Variants in TTC28 observed in about 807,000 individuals in gnomAD.
The protein encoded by TTC28 is tetratricopeptide repeat domain 28, also known as tetratricopeptide repeat protein 28.
A neutral mutation model predicts 198.0 loss-of-function variants in TTC28; 61 were observed. The ratio of observed to expected loss-of-function variants is 0.31; its 90% CI spans 0.25 to 0.38. The LOEUF is 0.38. Ranked by LOEUF, TTC28 falls within the 10% of genes least tolerant of loss-of-function variation. The probability of loss-of-function intolerance (pLI) is 1.00; values close to 1 mark genes in which losing one functional copy is unlikely to be tolerated. For missense variants in TTC28, 2,678 were observed against 3,164.0 expected, an observed-to-expected ratio of 0.85 and a Z score of 3.69; for synonymous variants, 1,171 against 1,297.8, an observed-to-expected ratio of 0.90 and a Z score of 2.10.
intron 13 of TTC28, among the ~76,000 whole-genome samples, chr22:28,016,433 G>A (rs1938381618): frequency 6.6e-6 from 1 of 152,246 alleles, no homozygotes; most frequent in Non-Finnish European, 1.5e-5. Context: ...CAGCAGACAG[G>A]CAGCATGGCC....
intron 2 of TTC28, among the ~76,000 whole-genome samples, chr22:28,369,049 T>C (rs1024547888): frequency 9.2e-5 from 14 of 151,890 alleles, no homozygotes; most frequent in Non-Finnish European, 1.6e-4. Context: ...AATCCTAAAA[T>C]ACCAATGGCA....
intron 13 of TTC28, among the ~76,000 whole-genome samples, chr22:28,014,830 C>A (rs944451836): frequency 3.3e-5 from 5 of 152,190 alleles, no homozygotes; most frequent in Non-Finnish European, 7.3e-5. Context: ...TTGGCCCCCA[C>A]CTTGGGCTCA....
intron 8 of TTC28, among the ~76,000 whole-genome samples, chr22:28,105,050 G>A (rs965863038): frequency 5.3e-5 from 8 of 152,276 alleles, no homozygotes; most frequent in African/African-American, 1.4e-4. Flanking sequence ...ATCTGGGTCC[G>A]AGAGAGCAGG....
chr22:28,489,611 C>A (rs1246319572), intron 2 of TTC28, among the ~76,000 whole-genome samples: 1 of 152,030 alleles, frequency 6.6e-6, no homozygotes, highest in Non-Finnish European at 1.5e-5. Context: ...CTTATATTCA[C>A]TCTATATTAG....
chr22:28,442,693 G>C (rs528244332), intron 2 of TTC28, among the ~76,000 whole-genome samples: 7 of 152,230 alleles, frequency 4.6e-5, no homozygotes, highest in Non-Finnish European at 7.3e-5. Flanking sequence ...AAAACTTAAA[G>C]GGCAGTGGAT....
rs2045406520 is a variant in TTC28 at position 28,319,294 on chromosome 22, T to C, written c.382-12651A>G. ...GGAGACTCTTATTACTCACTAGCAATTGAAGCAACTGACAAAGGTATTAGT... is the reference window on the plus strand; with the variant it reads ...GGAGACTCTTATTACTCACTAGCAACTGAAGCAACTGACAAAGGTATTAGT... On this transcript the variant is annotated intron_variant, in intron 2 of 22. Transcript: ENST00000397906. Among the ~76,000 whole-genome samples, 4 of 152,296 alleles carry C rather than the reference T, an allele frequency of 2.6e-5. No individual in the cohort carries two copies. The South Asian group carries it at 8.3e-4, about 32-fold the overall frequency.
rs567396101 is a variant in TTC28 at position 28,312,069 on chromosome 22, C to G, written c.382-5426G>C. ...AAAAAGCAAAGGTTGCAATCCTGGT[C>G]TCTGATAAAAACAGCCTTTAAACCA... On this transcript the variant is annotated intron_variant, in intron 2 of 22. Transcript: ENST00000397906. Among the ~76,000 whole-genome samples, 3 of 150,864 alleles carry G rather than the reference C, an allele frequency of 2.0e-5. No individual in the cohort carries two copies. In the East Asian group the frequency reaches 5.8e-4, roughly 29 times the overall value.
chr22:28,067,849 TTTTA>T (rs1015496061), intron 12 of TTC28, among the ~76,000 whole-genome samples: 16 of 152,248 alleles, frequency 1.1e-4, no homozygotes, highest in Admixed American at 1.0e-3. Flanking sequence ...CTAAGTGATA[TTTTA>T]TTTATCTCCT....
intron 2 of TTC28, among the ~76,000 whole-genome samples, chr22:28,350,236 C>T (rs1215783967): frequency 6.6e-6 from 1 of 152,124 alleles, no homozygotes; most frequent in Non-Finnish European, 1.5e-5. Flanking sequence ...TTTTTTCTCA[C>T]AGCTATATTG....
intron 2 of TTC28, among the ~76,000 whole-genome samples, chr22:28,456,792 T>A (rs1327357301): frequency 1.3e-5 from 2 of 152,174 alleles, no homozygotes; most frequent in Admixed American, 6.5e-5. Context: ...GCCAGGATGG[T>A]CTCAATCTCT....
At chr22:28,158,272 C>T (rs1236092910) in intron 6 of TTC28, among the ~76,000 whole-genome samples, 1 of 151,994 alleles carries the variant, frequency 6.6e-6, no homozygotes, top group Non-Finnish European at 1.5e-5. Flanking sequence ...ACACCAAGAA[C>T]TGGAAAAATC....
At chr22:28,333,706 T>C (rs2045653530) in intron 2 of TTC28, among the ~76,000 whole-genome samples, 1 of 152,168 alleles carries the variant, frequency 6.6e-6, no homozygotes, top group Non-Finnish European at 1.5e-5. Context: ...AAAAACCATT[T>C]TGCATACCAA....
chr22:28,406,775 C>G (rs2047003346), intron 2 of TTC28, among the ~76,000 whole-genome samples: 1 of 152,170 alleles, frequency 6.6e-6, no homozygotes. Context: ...CTTTAACAGA[C>G]CCTCCTCTTA....
intron 5 of TTC28, among the ~76,000 whole-genome samples, chr22:28,221,542 C>T (rs759229299): frequency 6.6e-6 from 1 of 152,132 alleles, no homozygotes; most frequent in African/African-American, 2.4e-5. Context: ...TCTAAATCCA[C>T]AGTATGGTAT....
intron 9 of TTC28, among the ~76,000 whole-genome samples, chr22:28,099,477 G>A (rs909017320): frequency 1.3e-5 from 2 of 152,150 alleles, no homozygotes; most frequent in Non-Finnish European, 2.9e-5. Context: ...AACTGTCTAC[G>A]CTTCCTCGAG....
At chr22:28,164,392 T>C (rs1034863752) in intron 5 of TTC28, among the ~76,000 whole-genome samples, 8 of 152,104 alleles carry the variant, frequency 5.3e-5, no homozygotes, top group South Asian at 2.1e-4. Flanking sequence ...GGAGGCACCC[T>C]CCAGTAGGGG....
chr22:28,105,198 T>G, intron 8 of TTC28, 81 bp downstream of exon 8: 5 of 1,444,576 alleles, frequency 3.5e-6, no homozygotes, highest in Non-Finnish European at 4.7e-6. Context: ...AAACTGTGCA[T>G]ACTTCCCTCT....
chr22:28,138,332 T>A (rs1569158277), intron 6 of TTC28, among the ~76,000 whole-genome samples: 1 of 152,208 alleles, frequency 6.6e-6, no homozygotes. Context: ...ACTGCTAGAC[T>A]CTTGGGAAAT....
At chr22:28,318,349 CT>C (rs1379054175) in intron 2 of TTC28, among the ~76,000 whole-genome samples, 1 of 152,102 alleles carries the variant, frequency 6.6e-6, no homozygotes, top group Non-Finnish European at 1.5e-5. Flanking sequence ...AAAGAGAAGG[CT>C]TTTCTTGGTG....
Sources: gnomAD v4.1 joint callset for allele counts (sites outside exome capture counted in the v4.1 genomes callset) on GRCh38, gnomAD v4.1.1 for gene constraint, MANE v1.5 for transcripts, NCBI Gene and HGNC (gene_info 2026-07-23, HGNC 2026-07-21) for gene names.